CHRNA7: variants seen among roughly 807,000 people sequenced by gnomAD.
CHRNA7 encodes the protein neuronal acetylcholine receptor subunit alpha-7.
Under a neutral mutation model 48.0 loss-of-function variants are expected in CHRNA7, and 17 were observed. The ratio of observed to expected loss-of-function variants is 0.35; its 90% CI spans 0.24 to 0.53. CHRNA7 has a LOEUF of 0.53. Among genes scored for constraint, CHRNA7 ranks in the 20% least tolerant of loss-of-function variants. The pLI is 0.92. For synonymous variants in CHRNA7, 75 were observed against 242.3 expected (o/e 0.31, Z 6.41); for missense variants, 155 against 577.7 (o/e 0.27, Z 7.50).
chr15:32,064,516 G>A (rs2049933866), intron 2 of CHRNA7, among the ~76,000 whole-genome samples: 1 of 150,498 alleles, frequency 6.6e-6, no homozygotes, highest in Non-Finnish European at 1.5e-5. Context: ...TGTGTGTGTG[G>A]TGTGTGCAGG....
At chr15:32,112,085 C>T (rs938548579) in intron 4 of CHRNA7, among the ~76,000 whole-genome samples, 186 bp downstream of exon 4, 3 of 152,238 alleles carry the variant, frequency 2.0e-5, no homozygotes, top group Non-Finnish European at 4.4e-5. Context: ...CCAGCATTCC[C>T]TGGTTTGGCA....
chr15:32,130,588 TACTTA>T (rs2051138430), intron 4 of CHRNA7, among the ~76,000 whole-genome samples: 1 of 150,942 alleles, frequency 6.6e-6, no homozygotes, highest in Non-Finnish European at 1.5e-5. Flanking sequence ...GCCTATGATG[TACTTA>T]ACTTTTTTTT....
At chr15:32,109,570 G>C (rs1595457179) in intron 3 of CHRNA7, among the ~76,000 whole-genome samples, 1 of 152,210 alleles carries the variant, frequency 6.6e-6, no homozygotes, top group Non-Finnish European at 1.5e-5. Context: ...GAAAACAGCA[G>C]ATGGGCAGCA....
At chr15:32,060,269 A>G (rs191279238) in intron 2 of CHRNA7, among the ~76,000 whole-genome samples, 101 of 152,304 alleles carry the variant, frequency 6.6e-4, no homozygotes, top group African/African-American at 2.4e-3. Context: ...AAAGCAGAGA[A>G]GAAATGCATT....
At chr15:32,143,801 C>G (rs1317151464) in intron 4 of CHRNA7, among the ~76,000 whole-genome samples, 1 of 152,040 alleles carries the variant, frequency 6.6e-6, no homozygotes, top group African/African-American at 2.4e-5. Context: ...TCATTTTGAG[C>G]CTATGTGTGT....
chr15:32,128,792 G>A (rs2051110196), intron 4 of CHRNA7, among the ~76,000 whole-genome samples: 2 of 151,752 alleles, frequency 1.3e-5, no homozygotes, highest in Admixed American at 1.3e-4. Flanking sequence ...CTAGTATTAT[G>A]CTGAATTAGA....
intron 4 of CHRNA7, chr15:32,112,137 C>T (rs2050772410): frequency 4.8e-6 from 3 of 622,874 alleles, no homozygotes; most frequent in Non-Finnish European, 8.8e-6. Context: ...CTTAAGACGC[C>T]CATGAAGTTG....
rs573453256 is a variant in CHRNA7 at position 32,068,939 on chromosome 15, T to C, written c.196-32364T>C. Among the ~76,000 whole-genome samples the C allele has an allele frequency of 8.5e-5, 13 of 152,252 alleles. No homozygotes were observed. In the South Asian group the frequency reaches 2.7e-3, roughly 32 times the overall value. ...GACTTCGGTACCCCTCTTTCAATAA[T>C]GATAGAAACACTAGACAGTTAAAAA... On this transcript the variant is annotated intron_variant, in intron 2 of 9. Transcript: ENST00000306901.
intron 2 of CHRNA7, among the ~76,000 whole-genome samples, chr15:32,062,992 A>G (rs1374786254): frequency 1.3e-5 from 2 of 152,210 alleles, no homozygotes; most frequent in African/African-American, 4.8e-5. Flanking sequence ...TGAATAGTGT[A>G]GGCAATTGTA....
At chr15:32,046,680 T>G (rs965815279) in intron 2 of CHRNA7, among the ~76,000 whole-genome samples, 3 of 143,166 alleles carry the variant, frequency 2.1e-5, no homozygotes, top group Non-Finnish European at 4.5e-5. Flanking sequence ...TTAATTAGAT[T>G]CCATTTGTCA....
At chr15:32,097,895 G>T (rs890549013) in intron 2 of CHRNA7, among the ~76,000 whole-genome samples, 2 of 152,206 alleles carry the variant, frequency 1.3e-5, no homozygotes, top group African/African-American at 4.8e-5. Context: ...CAGGCTGGGG[G>T]CTCTGGCAGC....
chr15:32,101,331 A>C lies in CHRNA7; in HGVS notation c.224A>C (p.Asn75Thr). 6.3e-7 allele frequency: 1 copy of C among 1,592,740 alleles called. No homozygotes were observed. The highest frequency in any genetic ancestry group is 1.2e-5 in the South Asian group (1 of 85,336). ...VDEKNQVLTT[N>T]IWLQMSWTDH... ...GAGAAGAACCAAGTTTTAACCACCA[A>C]CATTTGGCTGCAAATGGTAAGTTAA... is the stretch of plus-strand genomic sequence containing the variant. Residue 75 changes from asparagine (N) to threonine (T), a missense_variant, in exon 3 of 10, where the codon AAC becomes ACC. Asn to Thr is a moderately conservative substitution (Grantham distance 65). Transcript: ENST00000306901.
At chr15:32,063,595 C>A (rs1041652868) in intron 2 of CHRNA7, among the ~76,000 whole-genome samples, 1 of 152,168 alleles carries the variant, frequency 6.6e-6, no homozygotes, top group Non-Finnish European at 1.5e-5. Context: ...ATTTTGTATG[C>A]ATGATTGATT....
At chr15:32,074,242 G>T (rs1346488971) in intron 2 of CHRNA7, among the ~76,000 whole-genome samples, 1 of 150,474 alleles carries the variant, frequency 6.6e-6, no homozygotes, top group South Asian at 2.1e-4. Flanking sequence ...TTTCTATGCA[G>T]ACAATTATGT....
At chr15:32,037,412 C>CT (rs1242483270) in intron 2 of CHRNA7, among the ~76,000 whole-genome samples, 3 of 152,162 alleles carry the variant, frequency 2.0e-5, no homozygotes, top group African/African-American at 7.2e-5. Context: ...TATTCTGGGT[C>CT]TTTTGCGTCT....
chr15:32,129,712 C>T (rs1327387049), intron 4 of CHRNA7, among the ~76,000 whole-genome samples: 1 of 151,000 alleles, frequency 6.6e-6, no homozygotes, highest in Non-Finnish European at 1.5e-5. Context: ...TTCTCTTCTC[C>T]GTGTCAGTGA....
chr15:32,050,836 C>T (rs1595386976), intron 2 of CHRNA7, among the ~76,000 whole-genome samples: 1 of 152,152 alleles, frequency 6.6e-6, no homozygotes, highest in Non-Finnish European at 1.5e-5. Flanking sequence ...TGTGGATGTC[C>T]TGTCTGTTTG....
Position 32,149,867 on chromosome 15 carries a change from T to C in CHRNA7, c.351-4040T>C, listed in dbSNP as rs1026899145. 7.9e-5 allele frequency among the ~76,000 whole-genome samples: 12 copies of C among 151,848 alleles called. No individual in the cohort carries two copies. Among genetic ancestry groups the C allele is most frequent in the Admixed American group, 3.3e-4 (5 of 15,278 alleles). On this transcript the variant is annotated intron_variant, in intron 4 of 9. Coordinates refer to ENST00000306901, the MANE Select transcript of CHRNA7 (RefSeq NM_000746.6). The surrounding 1 kb of genome is among the most constrained non-coding windows in gnomAD (Gnocchi z 4.6). ...TCCAAATGCTTGAAAGAAAGGCTTG[T>C]AGGAACTTTTTTTTTTTCAGAGTTG... is the stretch of plus-strand genomic sequence containing the variant.
chr15:32,113,366 G>A (rs1365098231), intron 4 of CHRNA7, among the ~76,000 whole-genome samples: 1 of 152,064 alleles, frequency 6.6e-6, no homozygotes, highest in East Asian at 1.9e-4. Flanking sequence ...TAAAGGTTCT[G>A]TCTTCAAATA....
Sources: allele counts gnomAD v4.1 joint callset (sites outside exome capture counted in the v4.1 genomes callset), GRCh38; gene constraint gnomAD v4.1.1; non-coding constraint Gnocchi (gnomAD v3.1); transcripts MANE v1.5; gene names NCBI Gene and HGNC (gene_info 2026-07-23, HGNC 2026-07-21).